AR: variants seen among roughly 807,000 people sequenced by gnomAD.
AR encodes the protein androgen receptor, also known as dihydrotestosterone receptor.
AR carries 8 observed loss-of-function variants against 53.9 expected under a neutral mutation model. That is an observed-to-expected ratio of 0.15 (90% CI 0.09 to 0.27). The LOEUF (loss-of-function observed/expected upper bound fraction) is 0.27. Among genes scored for constraint, AR ranks in the 10% least tolerant of loss-of-function variants. The pLI is 1.00. For synonymous variants in AR, 359 were observed against 316.4 expected (o/e 1.13, Z -1.43); for missense variants, 639 against 742.5 (o/e 0.86, Z 1.62).
At chrX:67,720,478 T>C (rs2076131138) in intron 5 of AR, among the ~76,000 whole-genome samples, 1 of 111,885 alleles carries the variant, frequency 8.9e-6, no homozygotes. Context: ...GAAAGTACAT[T>C]GGAGACTGGA....
chrX:67,719,401 G>A (rs1474113023), intron 5 of AR, among the ~76,000 whole-genome samples: 3 of 111,658 alleles, frequency 2.7e-5, no homozygotes, highest in African/African-American at 9.8e-5. Context: ...GTGATAATTG[G>A]TTGTTCTCTA....
intron 2 of AR, among the ~76,000 whole-genome samples, chrX:67,673,600 G>A (rs746342126): frequency 2.8e-5 from 3 of 108,362 alleles, no homozygotes; most frequent in Non-Finnish European, 5.7e-5. Flanking sequence ...TGTGTCAGTT[G>A]CATTTTTCAG....
At chrX:67,692,989 A>G (rs1225063387) in intron 3 of AR, among the ~76,000 whole-genome samples, 1 of 112,760 alleles carries the variant, frequency 8.9e-6, no homozygotes, top group Non-Finnish European at 1.9e-5. Context: ...TGTAGTTCTT[A>G]AGGGAATTTG....
At chrX:67,664,532 G>C (rs773281742) in intron 2 of AR, among the ~76,000 whole-genome samples, 43 of 111,948 alleles carry the variant, frequency 3.8e-4, no homozygotes, top group Non-Finnish European at 5.6e-4. Flanking sequence ...CCCTACTTGG[G>C]GGTGCCTCCC....
At chrX:67,688,967 A>G (rs1196958839) in intron 3 of AR, among the ~76,000 whole-genome samples, 1 of 111,702 alleles carries the variant, frequency 9.0e-6, no homozygotes, top group Non-Finnish European at 1.9e-5. Flanking sequence ...ACCTTGAAGA[A>G]GAATTCATAT....
At chrX:67,669,168 G>A (rs1381400768) in intron 2 of AR, among the ~76,000 whole-genome samples, 2 of 110,987 alleles carry the variant, frequency 1.8e-5, no homozygotes, top group Admixed American at 9.6e-5. Context: ...TTTTGATATA[G>A]GTGCATATTG....
intron 2 of AR, among the ~76,000 whole-genome samples, chrX:67,664,605 C>T (rs770893768): frequency 8.9e-6 from 1 of 112,130 alleles, no homozygotes; most frequent in Non-Finnish European, 1.9e-5. Flanking sequence ...CTCAGATCTC[C>T]AGCTGCATAC....
intron 2 of AR, among the ~76,000 whole-genome samples, chrX:67,679,318 C>T (rs1174777027): frequency 2.7e-5 from 3 of 110,872 alleles, no homozygotes; most frequent in Non-Finnish European, 5.7e-5. Context: ...AATATACTTC[C>T]AAGTGAAAAG....
intron 1 of AR, among the ~76,000 whole-genome samples, chrX:67,581,466 G>A (rs933748089): frequency 9.0e-6 from 1 of 111,368 alleles, no homozygotes; most frequent in African/African-American, 3.3e-5. Context: ...TCATGTTCAG[G>A]CCTTCTTTCC....
At chrX:67,635,222 T>C (rs747630039) in intron 1 of AR, among the ~76,000 whole-genome samples, 7 of 111,559 alleles carry the variant, frequency 6.3e-5, no homozygotes, top group Non-Finnish European at 1.3e-4. Flanking sequence ...CAAGGGCTTT[T>C]ACATGTTATT....
At chrX:67,614,142 G>A (rs935734141) in intron 1 of AR, among the ~76,000 whole-genome samples, 1 of 112,207 alleles carries the variant, frequency 8.9e-6, no homozygotes, top group Non-Finnish European at 1.9e-5. Context: ...TGCAGAGGCA[G>A]TGCTGGGAAA....
intron 2 of AR, among the ~76,000 whole-genome samples, chrX:67,655,839 T>G (rs1345243984): frequency 8.9e-6 from 1 of 112,421 alleles, no homozygotes; most frequent in African/African-American, 3.2e-5. Context: ...CTGATAACAG[T>G]ACTTCCTAGT....
At chrX:67,555,286 T>TG (rs1396691735) in intron 1 of AR, among the ~76,000 whole-genome samples, 1 of 111,899 alleles carries the variant, frequency 8.9e-6, no homozygotes, top group Non-Finnish European at 1.9e-5. Context: ...AGTAGGAGCA[T>TG]GTCTAAACTC....
intron 1 of AR, among the ~76,000 whole-genome samples, chrX:67,559,303 C>G (rs1921197035): frequency 8.9e-6 from 1 of 112,122 alleles, no homozygotes; most frequent in Non-Finnish European, 1.9e-5. Context: ...TTCTGCCCTT[C>G]ACCTTTTAAT....
intron 2 of AR, among the ~76,000 whole-genome samples, chrX:67,667,179 T>A (rs896815055): frequency 8.9e-6 from 1 of 112,202 alleles, no homozygotes; most frequent in Non-Finnish European, 1.9e-5. Flanking sequence ...TTGAAGTAGT[T>A]TCATGGATTG....
intron 2 of AR, among the ~76,000 whole-genome samples, chrX:67,672,594 C>G (rs1444828510): frequency 9.0e-6 from 1 of 111,187 alleles, no homozygotes; most frequent in South Asian, 3.8e-4. Context: ...TGACAACACT[C>G]TATCGCATAA....
chrX:67,664,123 CAA>C (rs781684887), intron 2 of AR, among the ~76,000 whole-genome samples: 6 of 112,307 alleles, frequency 5.3e-5, no homozygotes, highest in African/African-American at 1.9e-4. Context: ...CTCAACTCGT[CAA>C]AGTCATTCTC....
At chrX:67,574,991 T>C (rs1229114050) in intron 1 of AR, among the ~76,000 whole-genome samples, 1 of 111,420 alleles carries the variant, frequency 9.0e-6, no homozygotes, top group Non-Finnish European at 1.9e-5. Flanking sequence ...GGGGATGACT[T>C]CTAACTAGTG....
chrX:67,639,266 G>C (rs1255837083), intron 1 of AR, among the ~76,000 whole-genome samples: 1 of 111,942 alleles, frequency 8.9e-6, no homozygotes, highest in African/African-American at 3.3e-5. Context: ...CTCCAGCTTT[G>C]TGCTTTTGGC....
Sources: gnomAD v4.1 joint callset for allele counts (sites outside exome capture counted in the v4.1 genomes callset) on GRCh38, gnomAD v4.1.1 for gene constraint, MANE v1.5 for transcripts, NCBI Gene and HGNC (gene_info 2026-07-23, HGNC 2026-07-21) for gene names.